The following FRY variants were observed in gnomAD, a reference collection of about 807,000 sequenced individuals.
The protein encoded by FRY is protein furry homolog.
FRY carries 128 observed loss-of-function variants against 348.4 expected under a neutral mutation model. The ratio of observed to expected loss-of-function variants is 0.37; its 90% CI spans 0.32 to 0.43. FRY has a LOEUF of 0.43. Among genes scored for constraint, FRY ranks in the 20% least tolerant of loss-of-function variants. The probability of loss-of-function intolerance (pLI) is 1.00; values close to 1 mark genes in which losing one functional copy is unlikely to be tolerated. For synonymous variants in FRY, 1,370 were observed against 1,374.7 expected, an observed-to-expected ratio of 1.00 and a Z score of 0.08; for missense variants, 2,736 against 3,695.2, an observed-to-expected ratio of 0.74 and a Z score of 6.73.
At chr13:32,120,457 C>T (rs77252579) in intron 4 of FRY, among the ~76,000 whole-genome samples, 11,778 of 152,100 alleles carry the variant, frequency 0.077, 504 homozygotes, top group Middle Eastern at 0.099. Context: ...CTGCTTCTAA[C>T]TTTTTTAAAC....
intron 1 of FRY, among the ~76,000 whole-genome samples, chr13:32,073,153 A>C (rs1874781549): frequency 6.6e-6 from 1 of 152,250 alleles, no homozygotes. Flanking sequence ...GTGAAAAAGC[A>C]GGCCAAACAT....
At chr13:32,191,992 A>G (rs1409416751) in intron 28 of FRY, among the ~76,000 whole-genome samples, 2 of 152,174 alleles carry the variant, frequency 1.3e-5, no homozygotes, top group Admixed American at 1.3e-4. Flanking sequence ...TAGACCTCAA[A>G]AACTGCCCAT....
chr13:32,059,557 A>G (rs7338754), intron 1 of FRY, among the ~76,000 whole-genome samples: 16,312 of 143,106 alleles, frequency 0.11, 1,846 homozygotes, highest in African/African-American at 0.3. Flanking sequence ...TTTTTTTGTT[A>G]TAGATTTAGG....
At chr13:32,104,491 C>T (rs1001083927) in intron 3 of FRY, among the ~76,000 whole-genome samples, 2 of 152,204 alleles carry the variant, frequency 1.3e-5, no homozygotes, top group Admixed American at 1.3e-4. Context: ...GTATTAAAGA[C>T]ACTTTAAGTG....
At position 32,031,996 on chromosome 13, in the gene FRY, TTTCTCTTTC is replaced by T. The variant is rs1321960439; in HGVS notation, c.70+134_70+142del. 47 of 592,510 alleles carry T rather than the reference TTTCTCTTTC, an allele frequency of 7.9e-5. 1 individual carries two copies. Among genetic ancestry groups the T allele is most frequent in the Admixed American group, 2.1e-4 (6 of 28,126 alleles). The allele number at this position is 592,510 out of a possible 1,614,324, so 36.7% of individuals were successfully genotyped here. On this transcript the variant is annotated intron_variant, in intron 1 of 60. Coordinates refer to ENST00000542859, the MANE Select transcript of FRY (RefSeq NM_023037.3). ...TTTTTCTTTTTTTCTTTTCTTTTCTTTTCTCTTTCTTTCTTTCTTTCTTTCTTTTTCTTT... is the reference window on the plus strand; with the variant it reads ...TTTTTCTTTTTTTCTTTTCTTTTCTTTTTCTTTCTTTCTTTCTTTTTCTTT...
intron 3 of FRY, among the ~76,000 whole-genome samples, chr13:32,103,101 G>A (rs1877273540): frequency 6.6e-6 from 1 of 152,218 alleles, no homozygotes; most frequent in African/African-American, 2.4e-5. Flanking sequence ...CTGTGAAGGA[G>A]ACCTCACAGG....
intron 55 of FRY, among the ~76,000 whole-genome samples, chr13:32,268,993 A>G (rs1888082035): frequency 6.6e-6 from 1 of 152,198 alleles, no homozygotes; most frequent in Admixed American, 6.5e-5. Flanking sequence ...TTTTGAATGA[A>G]TGACCAGACA....
intron 29 of FRY, among the ~76,000 whole-genome samples, chr13:32,199,978 C>G (rs1237054881): frequency 2.0e-5 from 3 of 152,118 alleles, no homozygotes; most frequent in African/African-American, 7.2e-5. Flanking sequence ...CTGGTGAGGG[C>G]CTTCTTGCTG....
chr13:32,068,151 A>C (rs546312266), intron 1 of FRY, among the ~76,000 whole-genome samples: 3 of 152,294 alleles, frequency 2.0e-5, no homozygotes, highest in Non-Finnish European at 4.4e-5. Context: ...TTTTGAAGTT[A>C]AGATTTAAAA....
intron 1 of FRY, among the ~76,000 whole-genome samples, chr13:32,047,924 GC>G (rs199840565): frequency 0.028 from 4,228 of 152,220 alleles, 86 homozygotes; most frequent in Middle Eastern, 0.044. Context: ...TGAAGCGTGA[GC>G]TTTTTGGATT....
At chr13:32,184,905 G>C (rs957193574) in intron 25 of FRY, 71 bp from the exon 26 acceptor site, 13 of 1,334,846 alleles carry the variant, frequency 9.7e-6, no homozygotes, top group Admixed American at 1.7e-5. Context: ...GTGAATCTTA[G>C]TTTTCATGAA....
chr13:32,125,138 T>C (rs983255798), intron 7 of FRY, among the ~76,000 whole-genome samples: 2 of 152,234 alleles, frequency 1.3e-5, no homozygotes, highest in African/African-American at 4.8e-5. Flanking sequence ...CCAGATTACA[T>C]TTCTCTCTGC....
intron 46 of FRY, among the ~76,000 whole-genome samples, chr13:32,242,990 T>C (rs537876583): frequency 2.0e-5 from 3 of 152,350 alleles, no homozygotes; most frequent in African/African-American, 7.2e-5. Flanking sequence ...GTCAATATCA[T>C]TGATTTTTTA....
At chr13:32,090,928 A>T (rs1192287136) in intron 2 of FRY, among the ~76,000 whole-genome samples, 2 of 137,496 alleles carry the variant, frequency 1.5e-5, no homozygotes, top group Non-Finnish European at 3.0e-5. Context: ...GATTTTGCTT[A>T]AAAAAAAAGT....
chr13:32,286,615 G>A (rs192914179), intron 58 of FRY, among the ~76,000 whole-genome samples: 33 of 151,720 alleles, frequency 2.2e-4, no homozygotes, highest in African/African-American at 6.3e-4. Context: ...GCATGGTGGC[G>A]GGTGCCTATA....
Position 32,186,365 on chromosome 13 carries a change from A to C in FRY, c.3425A>C (p.Asp1142Ala). 6.2e-7 allele frequency: 1 copy of C among 1,609,050 alleles called. No individual in the cohort carries two copies. Among genetic ancestry groups the C allele is most frequent in the Non-Finnish European group, 8.5e-7 (1 of 1,175,364 alleles). Residue 1142 changes from aspartate to alanine, a missense_variant, in exon 27 of 61, where the codon GAT becomes GCT. Asp to Ala is a moderately radical substitution (Grantham distance 126, BLOSUM62 -2). Around this residue, in one of 9 missense-constraint regions of FRY, gnomAD observed 33 missense variants for 86.7 expected, o/e 0.38. Transcript: ENST00000542859. ...GPFSIMFTPL[D>A]RYSDRNHQIT... is the part of the protein sequence containing the mutation. Reference sequence around the variant, plus strand: ...TTCAGCATTATGTTCACTCCTCTGGATCGTTACAGTGACAGAAATCATCAG... The same window carrying C: ...TTCAGCATTATGTTCACTCCTCTGGCTCGTTACAGTGACAGAAATCATCAG...
chr13:32,075,833 G>A (rs887194276), intron 1 of FRY, among the ~76,000 whole-genome samples: 4 of 152,154 alleles, frequency 2.6e-5, no homozygotes, highest in African/African-American at 9.7e-5. Flanking sequence ...AGATGCCTAC[G>A]CTGATCTGTG....
intron 51 of FRY, among the ~76,000 whole-genome samples, chr13:32,254,657 C>G (rs1887245710): frequency 6.6e-6 from 1 of 152,050 alleles, no homozygotes. Flanking sequence ...CACACAAAGA[C>G]TGTATGTGTG....
intron 11 of FRY, among the ~76,000 whole-genome samples, chr13:32,144,600 A>G (rs1265620217): frequency 6.6e-6 from 1 of 152,124 alleles, no homozygotes; most frequent in African/African-American, 2.4e-5. Context: ...TACGAATTCT[A>G]TAAAAATCAG....
Sources: allele counts gnomAD v4.1 joint callset (sites outside exome capture counted in the v4.1 genomes callset), GRCh38; gene constraint gnomAD v4.1.1; regional missense constraint gnomAD v4.1.1; transcripts MANE v1.5; gene names NCBI Gene and HGNC (gene_info 2026-07-23, HGNC 2026-07-21).